The following MATR3 variants were observed in gnomAD, a reference collection of about 807,000 sequenced individuals.
MATR3 encodes matrin-3.
MATR3 carries 4 observed loss-of-function variants against 85.5 expected under a neutral mutation model. That is an observed-to-expected ratio of 0.05 (90% CI 0.02 to 0.11). The LOEUF is 0.11. Among genes scored for constraint, MATR3 ranks in the 10% least tolerant of loss-of-function variants. The pLI is 1.00. For synonymous variants in MATR3, 336 were observed against 343.1 expected (o/e 0.98, Z 0.23); for missense variants, 685 against 1,016.1 (o/e 0.67, Z 4.43).
In MATR3 at chr5:139,307,733, C is replaced by T. The variant is rs778392830; in HGVS notation, c.318C>T (p.Asp106=). The change falls in exon 2 of 15, where the codon GAC becomes GAT. Residue 106 remains aspartate (D), a synonymous_variant. Coordinates refer to ENST00000394805, the MANE Select transcript of MATR3 (RefSeq NM_018834.6). This position sits in a 1 kb window ranked among gnomAD's most constrained non-coding sequence, Gnocchi z 4.4. ...CTTCTCAACACCGTGGAGATGCAGACCAGGCCAGTAACATTTTGGCCAGCT... is the reference window on the plus strand; with the variant it reads ...CTTCTCAACACCGTGGAGATGCAGATCAGGCCAGTAACATTTTGGCCAGCT... ...PLSSQHRGDA[D]QASNILASFG... The T allele has an allele frequency of 1.2e-5, 20 of 1,614,104 alleles. No individual in the cohort carries two copies. In the South Asian group the frequency reaches 2.0e-4, roughly 16 times the overall value.
At chr5:139,326,088 T>C (rs1191771860) in intron 13 of MATR3, 75 bp from the exon 14 acceptor site, 4 of 1,252,106 alleles carry the variant, frequency 3.2e-6, no homozygotes, top group Middle Eastern at 2.7e-4. Flanking sequence ...ATTTAAATTA[T>C]GTTGACAGGT....
intron 1 of MATR3, among the ~76,000 whole-genome samples, chr5:139,296,381 T>C (rs746436474): frequency 7.2e-5 from 11 of 152,184 alleles, no homozygotes; most frequent in Non-Finnish European, 1.2e-4. Context: ...TAAACGACAA[T>C]GTAAACATGA....
rs779880784 is a variant in MATR3 at position 139,330,435 on chromosome 5, TAACC to T, written c.*1044_*1047del. The T allele has an allele frequency of 2.2e-6, 1 of 454,400 alleles. No homozygotes were observed. The highest frequency in any genetic ancestry group is 4.4e-6 in the Non-Finnish European group (1 of 226,794). 28.1% of individuals were successfully genotyped at this position (454,400 alleles called of 1,614,324 possible). A position where few individuals can be genotyped will look rare whatever the true frequency, so the allele number is the denominator to read the frequency against. ...AATTGGTTATACATGTTTGGAATGT[TAACC>T]AACGTATTTGTCAGTTGTGGTTTTT... On this transcript the variant is annotated 3_prime_UTR_variant, in exon 15 of 15. Coordinates refer to ENST00000394805, the MANE Select transcript of MATR3 (RefSeq NM_018834.6).
In MATR3 at chr5:139,321,930, A is replaced by G. The variant is rs781394562; in HGVS notation, c.1635A>G (p.Ala545=). The G allele has an allele frequency of 1.2e-6, 2 of 1,613,896 alleles. No individual in the cohort carries two copies. The highest frequency in any genetic ancestry group is 1.3e-5 in the African/African-American group (1 of 74,930). The change falls in exon 10 of 15, where the codon GCA becomes GCG. Residue 545 remains alanine (A), a synonymous_variant. Coordinates refer to ENST00000394805, the MANE Select transcript of MATR3 (RefSeq NM_018834.6). ...AFIEMETRED[A]MAMVDHCLKK... ...TTGAGATGGAGACAAGAGAAGATGC[A>G]ATGGCAATGGTTGACCATTGTTTGA...
At chr5:139,314,931 T>C in intron 3 of MATR3, 195 bp downstream of exon 3, 1 of 536,402 alleles carries the variant, frequency 1.9e-6, no homozygotes, top group Non-Finnish European at 3.4e-6. Context: ...GCAGTAATAA[T>C]ATTTTGTTAT....
chr5:139,324,765 C>T lies in MATR3; in HGVS notation c.2149-675C>T, dbSNP rs537685281. On this transcript the variant is annotated intron_variant, in intron 12 of 14. Transcript: ENST00000394805. ...AAAGATAAAATATGAATATTCCTAT[C>T]TCATTTAACTTCTGCTCTTTGTGTG... Among the ~76,000 whole-genome samples the T allele has an allele frequency of 7.2e-5, 11 of 152,298 alleles. No homozygotes were observed. In the South Asian group the frequency reaches 2.3e-3, roughly 32 times the overall value.
intron 14 of MATR3, among the ~76,000 whole-genome samples, chr5:139,328,155 C>T (rs1755954376): frequency 6.6e-6 from 1 of 151,434 alleles, no homozygotes; most frequent in African/African-American, 2.4e-5. Flanking sequence ...AGCCATCATG[C>T]CCGGCCTATT....
Position 139,308,058 on chromosome 5 carries a change from G to A in MATR3, c.643G>A (p.Asp215Asn). Residue 215 changes from aspartate (D) to asparagine (N), a missense_variant, in exon 2 of 15, where the codon GAC becomes AAC. Asp to Asn is a conservative substitution (Grantham distance 23). This residue lies in a region of MATR3 where 223 missense variants were observed against 334.4 expected (regional missense o/e 0.67). Transcript: ENST00000394805. ...GSRSQESGYYDRMDYEDDRLR... is the reference protein window; with the variant it reads ...GSRSQESGYYNRMDYEDDRLR... ...TCGTTCTCAAGAATCTGGTTATTAT[G>A]ACAGAATGGATTATGAAGATGACAG... 1 of 1,614,162 alleles carries A rather than the reference G, an allele frequency of 6.2e-7. No homozygotes were observed. Among genetic ancestry groups the A allele is most frequent in the Non-Finnish European group, 8.5e-7 (1 of 1,180,038 alleles).
chr5:139,326,389 C>T, intron 14 of MATR3, 105 bp downstream of exon 14: 2 of 1,037,150 alleles, frequency 1.9e-6, no homozygotes, highest in Non-Finnish European at 2.9e-6. Flanking sequence ...AGACTCAGTG[C>T]AGTGCTTTCT....
chr5:139,314,979 C>T (rs1755169254), intron 3 of MATR3: 2 of 436,994 alleles, frequency 4.6e-6, no homozygotes, highest in Non-Finnish European at 8.5e-6. Flanking sequence ...GGTCATTATA[C>T]AAATTGGTGA....
intron 1 of MATR3, 83 bp downstream of exon 1, chr5:139,293,888 G>A: frequency 2.2e-6 from 2 of 923,268 alleles, no homozygotes; most frequent in Non-Finnish European, 2.8e-6. Context: ...ACGGCGACAG[G>A]GGCTGCGGGG....
At position 139,316,172 on chromosome 5, in the gene MATR3, A is replaced by G. The variant is rs1215894918; in HGVS notation, c.1113A>G (p.Gly371=). The stretch of plus-strand genomic sequence containing the variant: ...TTCATCTTGGGGGACCAGCAGTTGG[A>G]CCAAGAGGAAATCTGGGTAATTATA... The part of the protein sequence containing the change: ...PSFHLGGPAV[G]PRGNLGAGNG... Residue 371 remains glycine, a synonymous_variant, in exon 5 of 15, where the codon GGA becomes GGG. Coordinates refer to ENST00000394805, the MANE Select transcript of MATR3 (RefSeq NM_018834.6). 1.9e-6 allele frequency: 3 copies of G among 1,612,592 alleles called. No individual in the cohort carries two copies. The highest frequency in any genetic ancestry group is 2.5e-6 in the Non-Finnish European group (3 of 1,178,768).
chr5:139,316,938 CAT>C (rs778989266), intron 5 of MATR3, 113 bp from the exon 6 acceptor site: 17 of 787,270 alleles, frequency 2.2e-5, no homozygotes, highest in Non-Finnish European at 3.8e-5. Context: ...TGATGGTAAT[CAT>C]ATATTTGTAA....
chr5:139,292,362 T>A (rs927782993), upstream of MATR3, among the ~76,000 whole-genome samples: 1 of 152,214 alleles, frequency 6.6e-6, no homozygotes, highest in Non-Finnish European at 1.5e-5. Context: ...AACTGCTTAT[T>A]GCATTGCCCA....
intron 1 of MATR3, among the ~76,000 whole-genome samples, chr5:139,306,940 A>G (rs1489668317): frequency 1.3e-5 from 2 of 152,102 alleles, no homozygotes; most frequent in Admixed American, 6.6e-5. Flanking sequence ...AAACCCATCT[A>G]TATTTTTACT....
At chr5:139,319,897 T>G (rs1334893242) in intron 9 of MATR3, among the ~76,000 whole-genome samples, 1 of 125,632 alleles carries the variant, frequency 8.0e-6, no homozygotes, top group African/African-American at 3.0e-5. Flanking sequence ...TTAAAGTATA[T>G]CCCTATTTTT....
rs749026971 is a variant in MATR3 at position 139,322,767 on chromosome 5, A to G, written c.1948A>G (p.Met650Val). The part of the protein sequence containing the change: ...KDDQTEQEPN[M>V]LLESEDELLV... ...TGACCAGACAGAGCAGGAACCTAAT[A>G]TGCTTCTTGAATCTGAAGATGAGCT... The change falls in exon 12 of 15, where the codon ATG becomes GTG. Residue 650 changes from methionine to valine, a missense_variant. Met to Val is a conservative substitution (Grantham distance 21). This residue lies in a region of MATR3 where 215 missense variants were observed against 194.7 expected (regional missense o/e 1.10). Coordinates refer to ENST00000394805, the MANE Select transcript of MATR3 (RefSeq NM_018834.6). 2 of 1,614,202 alleles carry G rather than the reference A, an allele frequency of 1.2e-6. No homozygotes were observed. Among genetic ancestry groups the G allele is most frequent in the Admixed American group, 1.7e-5 (1 of 60,016 alleles).
At chr5:139,288,458 T>C (rs1189509595) in intron 3 of MATR3, among the ~76,000 whole-genome samples, 1 of 152,242 alleles carries the variant, frequency 6.6e-6, no homozygotes, top group African/African-American at 2.4e-5. Flanking sequence ...CATGTTTCTG[T>C]CTGCCAAAGG....
intron 7 of MATR3, among the ~76,000 whole-genome samples, 156 bp from the exon 8 acceptor site, chr5:139,318,752 T>C (rs946163818): frequency 5.3e-5 from 8 of 152,224 alleles, no homozygotes; most frequent in African/African-American, 1.9e-4. Context: ...GCCTCTTTTG[T>C]TTTGTATTTT....
Sources: gnomAD v4.1 joint callset for allele counts (sites outside exome capture counted in the v4.1 genomes callset) on GRCh38, gnomAD v4.1.1 for gene constraint, gnomAD v4.1.1 regional missense constraint, Gnocchi (gnomAD v3.1) non-coding constraint, MANE v1.5 for transcripts, NCBI Gene and HGNC (gene_info 2026-07-23, HGNC 2026-07-21) for gene names.